TLE6: variants seen among roughly 807,000 people sequenced by gnomAD.
The protein encoded by TLE6 is TLE family member 6, subcortical maternal complex member, also known as transducin-like enhancer protein 6.
TLE6 carries 72 observed loss-of-function variants against 77.1 expected under a neutral mutation model. The ratio of observed to expected loss-of-function variants is 0.93; its 90% CI spans 0.77 to 1.14. The LOEUF (loss-of-function observed/expected upper bound fraction) is 1.14. Among genes scored for constraint, TLE6 ranks in the 50% most tolerant of loss-of-function variants. The pLI is 0.00. For synonymous variants in TLE6, 366 were observed against 287.3 expected, an observed-to-expected ratio of 1.27 and a Z score of -2.77; for missense variants, 843 against 747.6, an observed-to-expected ratio of 1.13 and a Z score of -1.49.
At chr19:2,980,006 C>T in intron 2 of TLE6, 94 bp from the exon 3 acceptor site, 2 of 911,194 alleles carry the variant, frequency 2.2e-6, no homozygotes, top group Non-Finnish European at 3.3e-6. Context: ...ACTTTTGCAC[C>T]AACCTAATGC....
Position 2,989,325 on chromosome 19 carries a change from C to G in TLE6, c.993+12C>G. The G allele has an allele frequency of 6.2e-7, 1 of 1,610,778 alleles. No homozygotes were observed. The highest frequency in any genetic ancestry group is 8.5e-7 in the Non-Finnish European group (1 of 1,178,472). On this transcript the variant is annotated intron_variant, in intron 12 of 16. Coordinates refer to ENST00000246112, the MANE Select transcript of TLE6 (RefSeq NM_001143986.2). ...ACCTGCCTATACAGGTGAGGACGGC[C>G]TTGGTTTCCAGGGATGCAGGGCTTC...
rs372086778 is a variant in TLE6 at position 2,994,894 on chromosome 19, C to G, written c.1615-6C>G. The G allele has an allele frequency of 1.3e-4, 199 of 1,583,714 alleles. No individual in the cohort carries two copies. Among genetic ancestry groups the G allele is most frequent in the Admixed American group, 2.5e-4 (14 of 57,098 alleles). On this transcript the variant is annotated splice_region_variant and splice_polypyrimidine_tract_variant and intron_variant, in intron 16 of 16. Transcript: ENST00000246112. ...CCCAGCTCACTGCCCACTGCCCCCC[C>G]TCCAGGTGCCTGAGATGTCTCCAGT... is the stretch of plus-strand genomic sequence containing the variant.
intron 3 of TLE6, 68 bp from the exon 4 acceptor site, chr19:2,981,470 G>A (rs2088796234): frequency 3.3e-6 from 5 of 1,517,518 alleles, no homozygotes; most frequent in South Asian, 2.4e-5. Context: ...GGGGTTGAGG[G>A]TGGGGCTCAC....
rs777412586 is a variant in TLE6, at chr19:2,993,439, G to A, written c.1394G>A (p.Ser465Asn). The stretch of plus-strand genomic sequence containing the variant: ...CCACTGCCCATTACCTAGATAATGA[G>A]CCTGTCCCACAGCCCCCAGGAGGAC... ...LEYQFKSQIMSLSHSPQEDWV... is the reference protein window; with the variant it reads ...LEYQFKSQIMNLSHSPQEDWV... The change falls in exon 15 of 17, where the codon AGC (serine) becomes AAC (asparagine). Residue 465 changes from serine to asparagine, a missense_variant. Coordinates refer to ENST00000246112, the MANE Select transcript of TLE6 (RefSeq NM_001143986.2). The A allele has an allele frequency of 1.2e-6, 2 of 1,601,658 alleles. No individual in the cohort carries two copies. The highest frequency in any genetic ancestry group is 8.5e-7 in the Non-Finnish European group (1 of 1,170,566).
At chr19:2,993,941 AAG>A (rs1555687098) in intron 15 of TLE6, 76 bp from the exon 16 acceptor site, 37 of 921,184 alleles carry the variant, frequency 4.0e-5, no homozygotes, top group African/African-American at 3.8e-4. Context: ...AAAAAAAAAA[AAG>A]GTGGGTGGGG....
Position 2,978,204 on chromosome 19 carries a change from G to C in TLE6, c.-30G>C. On this transcript the variant is annotated 5_prime_UTR_variant, in exon 2 of 17. Transcript: ENST00000246112. ...CGTCTCCTTGTTGTTTTAGACTCTG[G>C]CTAAAGTCTTGGAGGCTACTGCCTT... 1 of 1,550,882 alleles carries C rather than the reference G, an allele frequency of 6.4e-7. No individual in the cohort carries two copies. The highest frequency in any genetic ancestry group is 1.2e-5 in the South Asian group (1 of 84,048).
chr19:2,981,487 G>GA, intron 3 of TLE6, 51 bp from the exon 4 acceptor site: 1 of 1,543,928 alleles, frequency 6.5e-7, no homozygotes, highest in South Asian at 1.2e-5. Flanking sequence ...TCACTCTGGG[G>GA]AGGGAGTCCT....
In TLE6 at chr19:2,986,892, G is replaced by A. The variant is rs1344581535; in HGVS notation, c.285+1G>A. 1 of 1,551,900 alleles carries A rather than the reference G, an allele frequency of 6.4e-7. No individual in the cohort carries two copies. The highest frequency in any genetic ancestry group is 2.0e-5 in the Admixed American group (1 of 51,008). ...ACTCCAGGGTTTCCAGTCTGAGGAGGTGAGTTTCTGGGTCTTCAAGGAGGG... is the reference window on the plus strand; with the variant it reads ...ACTCCAGGGTTTCCAGTCTGAGGAGATGAGTTTCTGGGTCTTCAAGGAGGG... On this transcript the variant is annotated splice_donor_variant, in intron 6 of 16. Transcript: ENST00000246112. LOFTEE classifies it high-confidence loss of function.
At chr19:2,987,832 G>T in intron 9 of TLE6, 42 bp downstream of exon 9, 1 of 1,613,954 alleles carries the variant, frequency 6.2e-7, no homozygotes, top group East Asian at 2.2e-5. Flanking sequence ...CAGGCGGGAT[G>T]GGGTGGGGGC....
chr19:2,979,505 C>T (rs2088751567), intron 2 of TLE6, among the ~76,000 whole-genome samples: 1 of 151,916 alleles, frequency 6.6e-6, no homozygotes, highest in African/African-American at 2.4e-5. Context: ...CCTCGGCCTC[C>T]CAAAGTGCTG....
chr19:2,991,012 A>G (rs980326494), intron 13 of TLE6, among the ~76,000 whole-genome samples: 1 of 120,462 alleles, frequency 8.3e-6, no homozygotes, highest in Non-Finnish European at 1.7e-5. Context: ...AATTTTACAT[A>G]CATACATACA....
At chr19:2,987,281 T>C in intron 7 of TLE6, 43 bp downstream of exon 7, 1 of 1,614,132 alleles carries the variant, frequency 6.2e-7, no homozygotes, top group Non-Finnish European at 8.5e-7. Flanking sequence ...AGCCACAGGC[T>C]GCGTCTCAGG....
chr19:2,984,937 G>T (rs546448660), intron 5 of TLE6, among the ~76,000 whole-genome samples: 1 of 151,956 alleles, frequency 6.6e-6, no homozygotes, highest in African/African-American at 2.4e-5. Context: ...CTTGATTTTT[G>T]TTGTTGTTTG....
Position 2,978,180 on chromosome 19 carries a change from G to C in TLE6, c.-36-18G>C. 1 of 1,535,920 alleles carries C rather than the reference G, an allele frequency of 6.5e-7. No homozygotes were observed. Among genetic ancestry groups the C allele is most frequent in the South Asian group, 1.2e-5 (1 of 83,702 alleles). Reference sequence around the variant, plus strand: ...TATTTTCTGTCCCTCAAGACCTGCCGTCTCCTTGTTGTTTTAGACTCTGGC... The same window carrying C: ...TATTTTCTGTCCCTCAAGACCTGCCCTCTCCTTGTTGTTTTAGACTCTGGC... On this transcript the variant is annotated intron_variant, in intron 1 of 16. Transcript: ENST00000246112.
At chr19:2,988,884 G>C in intron 11 of TLE6, 177 bp from the exon 12 acceptor site, 1 of 926,138 alleles carries the variant, frequency 1.1e-6, no homozygotes, top group Non-Finnish European at 1.6e-6. Flanking sequence ...TGTGGCAAAG[G>C]GACAATACTT....
At chr19:2,991,154 G>A (rs961572306) in intron 13 of TLE6, among the ~76,000 whole-genome samples, 2 of 150,860 alleles carry the variant, frequency 1.3e-5, no homozygotes, top group African/African-American at 2.4e-5. Flanking sequence ...ACCTGAGGTC[G>A]GGAGTTTGAG....
At chr19:2,990,721 C>T (rs1479981878) in intron 13 of TLE6, among the ~76,000 whole-genome samples, 2 of 147,604 alleles carry the variant, frequency 1.4e-5, no homozygotes, top group Non-Finnish European at 1.5e-5. Flanking sequence ...AAAAAACAGT[C>T]TGGGTGCGGT....
Position 2,992,810 on chromosome 19 carries a change from G to T in TLE6, c.1387-622G>T, listed in dbSNP as rs1363805469. 6.1e-4 allele frequency among the ~76,000 whole-genome samples: 6 copies of T among 9,910 alleles called. 1 individual carries two copies. The highest frequency in any genetic ancestry group is 0.023 in the East Asian group (2 of 86). 6.5% of individuals were successfully genotyped at this position (9,910 alleles called of 152,430 possible). A position where few individuals can be genotyped will look rare whatever the true frequency, so the allele number is the denominator to read the frequency against. ...AAAAAAAAAGGGGGGGAGGCGGGTG[G>T]GGGGGGGGGAGGATGAACTCTGGGA... On this transcript the variant is annotated intron_variant, in intron 14 of 16. Coordinates refer to ENST00000246112, the MANE Select transcript of TLE6 (RefSeq NM_001143986.2).
At chr19:2,985,543 G>A (rs935233164) in intron 5 of TLE6, among the ~76,000 whole-genome samples, 3 of 148,316 alleles carry the variant, frequency 2.0e-5, no homozygotes, top group African/African-American at 7.4e-5. Flanking sequence ...CGAGTAGCTG[G>A]GACTACAGGC....
Sources: gnomAD v4.1 joint callset for allele counts (sites outside exome capture counted in the v4.1 genomes callset) on GRCh38, gnomAD v4.1.1 for gene constraint, MANE v1.5 for transcripts, NCBI Gene and HGNC (gene_info 2026-07-23, HGNC 2026-07-21) for gene names.